The following CFAP20DC variants were observed in gnomAD, a reference collection of about 807,000 sequenced individuals.
CFAP20DC encodes CFAP20 domain containing, also known as protein CFAP20DC.
In CFAP20DC, 84 loss-of-function variants were observed where a neutral mutation model predicts 101.7. That is an observed-to-expected ratio of 0.83 (90% CI 0.69 to 0.99). The LOEUF is 0.99. Among genes scored for constraint, CFAP20DC ranks in the 50% least tolerant of loss-of-function variants. CFAP20DC has a pLI of 0.00. For missense variants in CFAP20DC, 1,007 were observed against 970.3 expected, an observed-to-expected ratio of 1.04 and a Z score of -0.50; for synonymous variants, 359 against 351.2, an observed-to-expected ratio of 1.02 and a Z score of -0.25.
At chr3:58,965,582 A>C (rs1301849719) in intron 4 of CFAP20DC, among the ~76,000 whole-genome samples, 2 of 152,162 alleles carry the variant, frequency 1.3e-5, no homozygotes, top group Non-Finnish European at 2.9e-5. Context: ...AGCTTTACAT[A>C]GTTGTAAATG....
chr3:58,934,768 T>C (rs2087281095), intron 5 of CFAP20DC, among the ~76,000 whole-genome samples: 1 of 152,314 alleles, frequency 6.6e-6, no homozygotes, highest in South Asian at 2.1e-4. Context: ...TGATGGGACA[T>C]ATCTGAAAAT....
chr3:58,935,483 A>G (rs1270783902), intron 5 of CFAP20DC, among the ~76,000 whole-genome samples: 1 of 151,876 alleles, frequency 6.6e-6, no homozygotes, highest in Non-Finnish European at 1.5e-5. Context: ...CTAAGCCAAA[A>G]GAACAAAGCT....
intron 14 of CFAP20DC, among the ~76,000 whole-genome samples, chr3:58,816,052 C>G (rs1297232171): frequency 6.6e-6 from 1 of 151,812 alleles, no homozygotes; most frequent in Non-Finnish European, 1.5e-5. Context: ...TATAAAGACA[C>G]ATGCACACGT....
intron 4 of CFAP20DC, among the ~76,000 whole-genome samples, chr3:59,013,453 T>C (rs910800184): frequency 6.6e-6 from 1 of 152,174 alleles, no homozygotes; most frequent in African/African-American, 2.4e-5. Context: ...CCCAGCATCA[T>C]ATAATTGAAA....
intron 3 of CFAP20DC, among the ~76,000 whole-genome samples, chr3:58,723,654 C>T (rs944867127): frequency 1.1e-4 from 16 of 152,196 alleles, no homozygotes; most frequent in African/African-American, 3.1e-4. Flanking sequence ...ACAGGCAGGT[C>T]TCTGCTCCTC....
chr3:58,787,922 G>T (rs1482412828), intron 15 of CFAP20DC, among the ~76,000 whole-genome samples: 1 of 151,640 alleles, frequency 6.6e-6, no homozygotes, highest in South Asian at 2.1e-4. Context: ...TCACTCATAA[G>T]TGGGAGTTGA....
At chr3:58,757,187 T>C (rs1017109973) in intron 15 of CFAP20DC, among the ~76,000 whole-genome samples, 3 of 152,110 alleles carry the variant, frequency 2.0e-5, no homozygotes, top group Non-Finnish European at 2.9e-5. Context: ...CAGCAATGTA[T>C]GAGAATGCTG....
At chr3:58,794,179 C>G in intron 15 of CFAP20DC, 1 of 320,908 alleles carries the variant, frequency 3.1e-6, no homozygotes. Flanking sequence ...AAGTTGTTTA[C>G]CTCAAAATGT....
At chr3:58,982,326 A>G (rs948308060) in intron 4 of CFAP20DC, among the ~76,000 whole-genome samples, 1 of 152,186 alleles carries the variant, frequency 6.6e-6, no homozygotes, top group Non-Finnish European at 1.5e-5. Context: ...ATCTAGAACT[A>G]GAAATACCAT....
At chr3:58,952,346 C>G (rs1318766502) in intron 4 of CFAP20DC, among the ~76,000 whole-genome samples, 2 of 152,162 alleles carry the variant, frequency 1.3e-5, no homozygotes, top group Non-Finnish European at 2.9e-5. Context: ...TCATCCTACT[C>G]CATCCCACCC....
chr3:58,852,518 C>G (rs970542705), intron 12 of CFAP20DC, among the ~76,000 whole-genome samples: 1 of 152,130 alleles, frequency 6.6e-6, no homozygotes, highest in African/African-American at 2.4e-5. Context: ...CTCTCCACCC[C>G]AAATCAACAG....
Position 58,863,285 on chromosome 3 carries a change from T to C in CFAP20DC, c.1593+273A>G. ...CTAAACTGCATATCGTTTCTCATCC[T>C]GTGATTCAAAGATTAAAATGAAAAA... On this transcript the variant is annotated intron_variant, in intron 12 of 16. Transcript: ENST00000482387. This position sits in a 1 kb window ranked among gnomAD's most constrained non-coding sequence, Gnocchi z 5.9. The C allele has an allele frequency of 1.4e-6, 2 of 1,408,320 alleles. No homozygotes were observed. The highest frequency in any genetic ancestry group is 1.8e-6 in the Non-Finnish European group (2 of 1,090,078). The allele number at this position is 1,408,320 out of a possible 1,614,324, so 87.2% of individuals were successfully genotyped here.
chr3:58,919,017 C>T (rs1240741676), intron 5 of CFAP20DC, among the ~76,000 whole-genome samples: 1 of 152,154 alleles, frequency 6.6e-6, no homozygotes, highest in Non-Finnish European at 1.5e-5. Flanking sequence ...GTTTTGACCA[C>T]ATCATACTCC....
intron 15 of CFAP20DC, among the ~76,000 whole-genome samples, chr3:58,759,893 T>C (rs956928576): frequency 4.6e-5 from 7 of 152,350 alleles, no homozygotes; most frequent in Non-Finnish European, 8.8e-5. Flanking sequence ...CATTGATCTA[T>C]ATCTCTGTTT....
chr3:59,046,279 C>T lies in CFAP20DC; in HGVS notation c.155G>A (p.Gly52Asp). ...CTGAATTTTGTTTGTTTGGCTGCTG[C>T]CTTCCAGGACAAACACAAAACTTTT... is the stretch of plus-strand genomic sequence containing the variant. The part of the protein sequence containing the change: ...EVKSFVFVLE[G>D]SSQTNKIQLP... The change falls in exon 3 of 17, where the codon GGC becomes GAC. Residue 52 changes from glycine (G) to aspartate (D), a missense_variant. Transcript: ENST00000482387. The T allele has an allele frequency of 6.5e-7, 1 of 1,532,148 alleles. No individual in the cohort carries two copies. The highest frequency in any genetic ancestry group is 8.7e-7 in the Non-Finnish European group (1 of 1,145,308). 94.9% of individuals were successfully genotyped at this position (1,532,148 alleles called of 1,614,324 possible). A position where few individuals can be genotyped will look rare whatever the true frequency, so the allele number is the denominator to read the frequency against.
intron 4 of CFAP20DC, among the ~76,000 whole-genome samples, chr3:58,968,501 G>T (rs1212252449): frequency 6.6e-6 from 1 of 152,026 alleles, no homozygotes; most frequent in Non-Finnish European, 1.5e-5. Context: ...TTGGCTACAT[G>T]TATGTCTTCT....
rs1164721124 is a variant in CFAP20DC, at chr3:58,868,446, T to C, written c.1016-510A>G. ...TAACATTTCCTGAATGCTTAATTTC[T>C]TGGTGCAATATGATACACTTAACTG... On this transcript the variant is annotated intron_variant, in intron 9 of 16. Transcript: ENST00000482387. The surrounding 1 kb of genome is among the most constrained non-coding windows in gnomAD (Gnocchi z 4.6). Among the ~76,000 whole-genome samples the C allele has an allele frequency of 6.6e-6, 1 of 152,170 alleles. No individual in the cohort carries two copies. Among genetic ancestry groups the C allele is most frequent in the Non-Finnish European group, 1.5e-5 (1 of 67,992 alleles).
At chr3:59,031,514 A>G (rs2093994526) in intron 4 of CFAP20DC, among the ~76,000 whole-genome samples, 1 of 152,206 alleles carries the variant, frequency 6.6e-6, no homozygotes, top group Admixed American at 6.5e-5. Context: ...CTTTTTCTGC[A>G]GAACCAGAAA....
intron 4 of CFAP20DC, among the ~76,000 whole-genome samples, chr3:58,963,190 T>TTGTGTGTG (rs56234919): frequency 0.071 from 8,434 of 118,082 alleles, 423 homozygotes; most frequent in East Asian, 0.12. Context: ...GTTCAGTAGT[T>TTGTGTGTG]TGTGTGTGTG....
Sources: gnomAD v4.1 joint callset for allele counts (sites outside exome capture counted in the v4.1 genomes callset) on GRCh38, gnomAD v4.1.1 for gene constraint, Gnocchi (gnomAD v3.1) non-coding constraint, MANE v1.5 for transcripts, NCBI Gene and HGNC (gene_info 2026-07-23, HGNC 2026-07-21) for gene names.